The following MGMT variants were observed in gnomAD, a reference collection of about 807,000 sequenced individuals.
MGMT encodes O-6-methylguanine-DNA methyltransferase, also known as methylated-DNA--protein-cysteine methyltransferase.
Under a neutral mutation model 15.9 loss-of-function variants are expected in MGMT, and 14 were observed. That is an observed-to-expected ratio of 0.88 (90% CI 0.58 to 1.37). The LOEUF (loss-of-function observed/expected upper bound fraction) is 1.37, where lower values mean the gene tolerates loss of function less well. MGMT is among the 40% of genes most tolerant of loss of function. The pLI is 0.00. For missense variants in MGMT, 282 were observed against 268.1 expected, an observed-to-expected ratio of 1.05 and a Z score of -0.36; for synonymous variants, 130 against 118.2, an observed-to-expected ratio of 1.10 and a Z score of -0.65.
intron 2 of MGMT, among the ~76,000 whole-genome samples, chr10:129,657,457 C>CCTTGT (rs1020337778): frequency 6.6e-6 from 1 of 151,726 alleles, no homozygotes; most frequent in East Asian, 1.9e-4. Context: ...CTGAGGCGCC[C>CCTTGT]CTTGTCTTGT....
At chr10:129,576,385 G>A (rs543826621) in intron 2 of MGMT, among the ~76,000 whole-genome samples, 6 of 152,174 alleles carry the variant, frequency 3.9e-5, no homozygotes, top group South Asian at 2.1e-4. Context: ...TTCAATATAC[G>A]CAAATCAATA....
chr10:129,760,760 T>A (rs1848863215), intron 4 of MGMT, among the ~76,000 whole-genome samples: 1 of 152,054 alleles, frequency 6.6e-6, no homozygotes, highest in African/African-American at 2.4e-5. Context: ...CTTTCTACCC[T>A]ATTAAAATAT....
intron 2 of MGMT, among the ~76,000 whole-genome samples, chr10:129,553,268 A>G (rs1364773004): frequency 6.6e-6 from 1 of 152,206 alleles, no homozygotes; most frequent in African/African-American, 2.4e-5. Flanking sequence ...ATATTACATT[A>G]TGTTGAAGTG....
intron 2 of MGMT, among the ~76,000 whole-genome samples, chr10:129,687,893 T>G (rs1847926678): frequency 6.7e-6 from 1 of 149,988 alleles, no homozygotes; most frequent in Non-Finnish European, 1.5e-5. Flanking sequence ...TTCCCCTTCC[T>G]GTGTCCAAGT....
chr10:129,726,817 G>A (rs928341942), intron 3 of MGMT, among the ~76,000 whole-genome samples: 26 of 152,204 alleles, frequency 1.7e-4, no homozygotes, highest in African/African-American at 2.4e-5. Flanking sequence ...TGGGAATGTA[G>A]TGGTGTTTAA....
chr10:129,759,282 G>A lies in MGMT; in HGVS notation c.355G>A (p.Ala119Thr). Residue 119 changes from alanine to threonine, a missense_variant, in exon 4 of 5, where the codon GCC (alanine) becomes ACC (threonine). Coordinates refer to ENST00000651593, the MANE Select transcript of MGMT (RefSeq NM_002412.5). ...AGTGATTTCTTACCAGCAATTAGCA[G>A]CCCTGGCAGGCAACCCCAAAGCCGC... ...GEVISYQQLA[A>T]LAGNPKAARA... 1 of 1,614,184 alleles carries A rather than the reference G, an allele frequency of 6.2e-7. No homozygotes were observed. Among genetic ancestry groups the A allele is most frequent in the East Asian group, 2.2e-5 (1 of 44,872 alleles).
intron 1 of MGMT, among the ~76,000 whole-genome samples, chr10:129,494,430 G>A (rs1167793980): frequency 1.3e-5 from 2 of 152,148 alleles, no homozygotes; most frequent in African/African-American, 2.4e-5. Flanking sequence ...CGTGTCAGCC[G>A]GTGAACTCTG....
At chr10:129,601,436 T>C (rs1846820498) in intron 2 of MGMT, among the ~76,000 whole-genome samples, 1 of 152,196 alleles carries the variant, frequency 6.6e-6, no homozygotes, top group Non-Finnish European at 1.5e-5. Context: ...TTCTAAGCCA[T>C]GGGGCAGACC....
chr10:129,470,921 A>G (rs1448813219), intron 1 of MGMT, among the ~76,000 whole-genome samples: 1 of 152,216 alleles, frequency 6.6e-6, no homozygotes, highest in East Asian at 1.9e-4. Flanking sequence ...TAACCATGAA[A>G]GGAATGGTGA....
chr10:129,591,253 C>T (rs946131839), intron 2 of MGMT, among the ~76,000 whole-genome samples: 3 of 152,202 alleles, frequency 2.0e-5, no homozygotes, highest in Non-Finnish European at 1.5e-5. Flanking sequence ...AGTATGCTGC[C>T]TTGTGGAATC....
At chr10:129,702,308 C>T (rs1194607008) in intron 2 of MGMT, among the ~76,000 whole-genome samples, 1 of 152,228 alleles carries the variant, frequency 6.6e-6, no homozygotes, top group Non-Finnish European at 1.5e-5. Context: ...GCCCGACGCC[C>T]TGTTGTCACA....
intron 2 of MGMT, among the ~76,000 whole-genome samples, chr10:129,576,454 A>G (rs1039729753): frequency 6.6e-6 from 1 of 152,242 alleles, no homozygotes; most frequent in African/African-American, 2.4e-5. Flanking sequence ...ATCTCAATAG[A>G]TGCAGAAAAG....
chr10:129,692,937 G>A (rs929350306), intron 2 of MGMT, among the ~76,000 whole-genome samples: 6 of 152,244 alleles, frequency 3.9e-5, no homozygotes, highest in Non-Finnish European at 8.8e-5. Context: ...GCAGCACCAC[G>A]GTAAGTTCTG....
intron 3 of MGMT, among the ~76,000 whole-genome samples, chr10:129,739,362 G>T (rs1650664907): frequency 6.6e-6 from 1 of 152,208 alleles, no homozygotes; most frequent in Non-Finnish European, 1.5e-5. Context: ...GAAGTCAGTT[G>T]TCTCTGTTTG....
intron 2 of MGMT, among the ~76,000 whole-genome samples, chr10:129,703,550 G>C (rs1193699627): frequency 6.6e-6 from 1 of 152,128 alleles, no homozygotes; most frequent in African/African-American, 2.4e-5. Context: ...CGCTAGTCCT[G>C]AAGACTAACC....
chr10:129,574,560 G>T (rs970525190), intron 2 of MGMT, among the ~76,000 whole-genome samples: 17 of 152,284 alleles, frequency 1.1e-4, no homozygotes, highest in African/African-American at 2.9e-4. Context: ...AAAAGGCATT[G>T]ACATTTTCTC....
intron 2 of MGMT, among the ~76,000 whole-genome samples, chr10:129,676,122 G>A (rs896316703): frequency 1.3e-5 from 2 of 152,196 alleles, no homozygotes; most frequent in African/African-American, 4.8e-5. Context: ...CACCCAGATG[G>A]GGAGTCGGGG....
At chr10:129,674,089 G>A (rs952717926) in intron 2 of MGMT, among the ~76,000 whole-genome samples, 3 of 152,086 alleles carry the variant, frequency 2.0e-5, no homozygotes, top group African/African-American at 7.2e-5. Flanking sequence ...GGAAGTTGTT[G>A]CCACTGTCTC....
intron 3 of MGMT, among the ~76,000 whole-genome samples, chr10:129,714,230 C>A (rs1848267490): frequency 6.6e-6 from 1 of 152,246 alleles, no homozygotes; most frequent in South Asian, 2.1e-4. Context: ...ACTCTCAGCT[C>A]CTGAGCTTGG....
Sources: gnomAD v4.1 joint callset for allele counts (sites outside exome capture counted in the v4.1 genomes callset) on GRCh38, gnomAD v4.1.1 for gene constraint, MANE v1.5 for transcripts, NCBI Gene and HGNC (gene_info 2026-07-23, HGNC 2026-07-21) for gene names.